The following PRUNE2 variants were observed in gnomAD, a reference collection of about 807,000 sequenced individuals.
PRUNE2 encodes the protein protein prune homolog 2.
Under a neutral mutation model 252.0 loss-of-function variants are expected in PRUNE2, and 164 were observed. The observed-to-expected ratio is 0.65, with a 90% CI of 0.57 to 0.74. The LOEUF (loss-of-function observed/expected upper bound fraction) is 0.74, where lower values mean the gene tolerates loss of function less well. Among genes scored for constraint, PRUNE2 ranks in the 30% least tolerant of loss-of-function variants. The pLI, the probability that PRUNE2 is intolerant of heterozygous loss-of-function variation, is 0.00. For missense variants in PRUNE2, 3,495 were observed against 3,711.0 expected, an observed-to-expected ratio of 0.94 and a Z score of 1.51; for synonymous variants, 1,292 against 1,350.2, an observed-to-expected ratio of 0.96 and a Z score of 0.94.
chr9:76,862,710 C>T (rs975001603), intron 1 of PRUNE2: 1 of 151,962 alleles, frequency 6.6e-6, no homozygotes, highest in African/African-American at 2.4e-5. Context: ...TTTGTAGAAA[C>T]TCACAAAAAA....
intron 6 of PRUNE2, among the ~76,000 whole-genome samples, chr9:76,736,308 T>C (rs2049069626): frequency 6.6e-6 from 1 of 152,180 alleles, no homozygotes; most frequent in Non-Finnish European, 1.5e-5. Flanking sequence ...TCATATGACA[T>C]ACTTTATGCT....
At chr9:76,756,625 G>A (rs1460466213) in intron 6 of PRUNE2, among the ~76,000 whole-genome samples, 1 of 152,210 alleles carries the variant, frequency 6.6e-6, no homozygotes, top group Non-Finnish European at 1.5e-5. Flanking sequence ...TGTCCTGAAG[G>A]CACTGTGGCC....
intron 1 of PRUNE2, among the ~76,000 whole-genome samples, chr9:76,904,990 A>C (rs2063396046): frequency 6.6e-6 from 1 of 152,208 alleles, no homozygotes; most frequent in Non-Finnish European, 1.5e-5. Context: ...TGAAGGCTTA[A>C]AGGTTAAAGG....
chr9:76,870,532 A>C (rs1433253833), intron 1 of PRUNE2, among the ~76,000 whole-genome samples: 1 of 151,996 alleles, frequency 6.6e-6, no homozygotes, highest in Non-Finnish European at 1.5e-5. Flanking sequence ...AAAAATACAA[A>C]AAAATTAGCT....
rs1334394980 is a variant in PRUNE2, at chr9:76,707,642, A to C, written c.4632T>G (p.Ser1544Arg). Residue 1544 changes from serine to arginine, a missense_variant, in exon 8 of 19, where the codon AGT becomes AGG. Coordinates refer to ENST00000376718, the MANE Select transcript of PRUNE2 (RefSeq NM_015225.3). ...AGTCATTTAACTCAGGACTTGATGC[A>C]CTTGAATGAGTATACTCACTAGAAA... The part of the protein sequence containing the change: ...DTISSEYTHS[S>R]ASSPELNDSS... The C allele has an allele frequency of 5.0e-6, 8 of 1,613,914 alleles. No homozygotes were observed. The highest frequency in any genetic ancestry group is 1.3e-5 in the African/African-American group (1 of 75,038).
At chr9:76,850,800 A>G in intron 2 of PRUNE2, 135 bp from the exon 3 acceptor site, 1 of 655,208 alleles carries the variant, frequency 1.5e-6, no homozygotes, top group Non-Finnish European at 2.6e-6. Flanking sequence ...GGCATTCATA[A>G]TCAAATTTTC....
intron 6 of PRUNE2, among the ~76,000 whole-genome samples, chr9:76,818,291 C>T (rs2057817351): frequency 6.6e-6 from 1 of 152,160 alleles, no homozygotes; most frequent in Non-Finnish European, 1.5e-5. Context: ...CAGACTGGTG[C>T]GCTGAGTCTC....
At position 76,861,180 on chromosome 9, in the gene PRUNE2, C is replaced by A. The variant is rs1052146221; in HGVS notation, c.37-6972G>T. 3.3e-5 allele frequency among the ~76,000 whole-genome samples: 5 copies of A among 152,146 alleles called. No individual in the cohort carries two copies. The East Asian group carries it at 5.8e-4, about 18-fold the overall frequency. On this transcript the variant is annotated intron_variant, in intron 1 of 18. Transcript: ENST00000376718. ...GAGATGTCCAGAGGCGAGGCAAACA[C>A]CCCCTCTGCAGCTCTGCTGTGCAGG... is the stretch of plus-strand genomic sequence containing the variant.
Position 76,627,637 on chromosome 9 carries a change from T to C in PRUNE2, c.9149+1555A>G, listed in dbSNP as rs141858433. On this transcript the variant is annotated intron_variant, in intron 16 of 18. Coordinates refer to ENST00000376718, the MANE Select transcript of PRUNE2 (RefSeq NM_015225.3). ...TCCTGTGTTCACGCCCGATATTGCT[T>C]ATGTAGGAGAACCAAATGAATCTAC... Among the ~76,000 whole-genome samples, 593 of 152,248 alleles carry C rather than the reference T, an allele frequency of 3.9e-3. 5 individuals are homozygous for C. Among genetic ancestry groups the C allele is most frequent in the African/African-American group, 0.014 (573 of 41,546 alleles).
chr9:76,660,601 G>A (rs531554927), intron 9 of PRUNE2, among the ~76,000 whole-genome samples: 1 of 151,560 alleles, frequency 6.6e-6, no homozygotes, highest in Non-Finnish European at 1.5e-5. Context: ...GGCCAAGATG[G>A]TGAAACCCCA....
chr9:76,846,558 C>A lies in PRUNE2; in HGVS notation c.465G>T (p.Glu155Asp). The A allele has an allele frequency of 2.5e-6, 4 of 1,614,116 alleles. No homozygotes were observed. The highest frequency in any genetic ancestry group is 3.4e-6 in the Non-Finnish European group (4 of 1,179,988). The change falls in exon 4 of 19, where the codon GAG (glutamate) becomes GAT (aspartate). Residue 155 changes from glutamate to aspartate, a missense_variant. Transcript: ENST00000376718. ...GTTGCTCGGTGATGAGCTCAGGAGC[C>A]TCTTGGAGAATCTCCTTTAGCACGA... Reference protein sequence around the residue: ...SSLVLKEILQEAPELITEQLA... With the variant: ...SSLVLKEILQDAPELITEQLA...
At chr9:76,690,920 CGTTTT>C (rs907349717) in intron 9 of PRUNE2, among the ~76,000 whole-genome samples, 2 of 152,042 alleles carry the variant, frequency 1.3e-5, no homozygotes, top group African/African-American at 4.8e-5. Flanking sequence ...CCATAAAAGC[CGTTTT>C]GTTTTATTTT....
chr9:76,676,159 T>C (rs1440314698), intron 9 of PRUNE2, among the ~76,000 whole-genome samples: 1 of 151,702 alleles, frequency 6.6e-6, no homozygotes, highest in African/African-American at 2.4e-5. Flanking sequence ...ATTATGCAAG[T>C]ACTCTAAATC....
At chr9:76,837,326 C>T (rs541178389) in intron 4 of PRUNE2, among the ~76,000 whole-genome samples, 6 of 152,098 alleles carry the variant, frequency 3.9e-5, no homozygotes, top group Non-Finnish European at 5.9e-5. Context: ...CCTGCAGTCC[C>T]AACTACTCGG....
chr9:76,704,390 A>G (rs901773572), intron 8 of PRUNE2, among the ~76,000 whole-genome samples: 4 of 151,882 alleles, frequency 2.6e-5, no homozygotes, highest in African/African-American at 9.7e-5. Flanking sequence ...ACGCCCAGCT[A>G]ATTTTTGTAT....
Position 76,900,494 on chromosome 9 carries a change from T to C in PRUNE2, c.36+5434A>G, listed in dbSNP as rs141189645. Among the ~76,000 whole-genome samples the C allele has an allele frequency of 4.1e-3, 630 of 152,242 alleles. 3 individuals carry two copies. Among genetic ancestry groups the C allele is most frequent in the African/African-American group, 0.014 (599 of 41,534 alleles). On this transcript the variant is annotated intron_variant, in intron 1 of 18. Coordinates refer to ENST00000376718, the MANE Select transcript of PRUNE2 (RefSeq NM_015225.3). ...ACAACGCTAGAGATTTTGAGTACGC[T>C]AATTTGAGACCCCTAACAGGGTAGC...
intron 15 of PRUNE2, among the ~76,000 whole-genome samples, chr9:76,632,456 A>G (rs1838078300): frequency 6.6e-6 from 1 of 152,236 alleles, no homozygotes; most frequent in Non-Finnish European, 1.5e-5. Flanking sequence ...AGAATTGGGC[A>G]GACAATTGGT....
intron 6 of PRUNE2, among the ~76,000 whole-genome samples, chr9:76,799,040 T>G (rs115830136): frequency 4.6e-5 from 7 of 152,184 alleles, no homozygotes; most frequent in African/African-American, 1.7e-4. Context: ...GTGATCAGAA[T>G]TTAAGATCAG....
At chr9:76,649,784 C>T (rs1846616171) in intron 11 of PRUNE2, among the ~76,000 whole-genome samples, 1 of 152,020 alleles carries the variant, frequency 6.6e-6, no homozygotes, top group African/African-American at 2.4e-5. Context: ...AAGAGAAGAC[C>T]AATTGAATAT....
Sources: gnomAD v4.1 joint callset for allele counts (sites outside exome capture counted in the v4.1 genomes callset) on GRCh38, gnomAD v4.1.1 for gene constraint, MANE v1.5 for transcripts, NCBI Gene and HGNC (gene_info 2026-07-23, HGNC 2026-07-21) for gene names.